Variants in BPTF observed in about 807,000 individuals in gnomAD.
BPTF encodes nucleosome-remodeling factor subunit BPTF.
A neutral mutation model predicts 292.5 loss-of-function variants in BPTF; 18 were observed. The observed-to-expected ratio is 0.06, with a 90% confidence interval of 0.04 to 0.09. BPTF has a LOEUF of 0.09. BPTF is among the 10% of genes least tolerant of loss of function. The probability of loss-of-function intolerance (pLI) is 1.00; values close to 1 mark genes in which losing one functional copy is unlikely to be tolerated. For missense variants in BPTF, 2,726 were observed against 3,498.7 expected (o/e 0.78, Z 5.57); for synonymous variants, 1,225 against 1,251.9 (o/e 0.98, Z 0.45).
At chr17:67,943,855 A>T (rs976654686) in intron 19 of BPTF, among the ~76,000 whole-genome samples, 1 of 152,160 alleles carries the variant, frequency 6.6e-6, no homozygotes, top group Non-Finnish European at 1.5e-5. Context: ...TTAGTTATTC[A>T]ATACCTTTAT....
At chr17:67,873,356 G>T (rs575533671) in intron 3 of BPTF, among the ~76,000 whole-genome samples, 1 of 151,880 alleles carries the variant, frequency 6.6e-6, no homozygotes, top group African/African-American at 2.4e-5. Context: ...TACTTGGGAG[G>T]CTGGGGCAGG....
intron 24 of BPTF, chr17:67,960,527 A>G (rs2067378077): frequency 6.6e-6 from 1 of 152,178 alleles, no homozygotes; most frequent in Admixed American, 6.6e-5. Context: ...GGTGATATAA[A>G]CAAGATTATA....
intron 3 of BPTF, among the ~76,000 whole-genome samples, chr17:67,872,329 C>T (rs1363399198): frequency 6.6e-6 from 1 of 152,148 alleles, no homozygotes; most frequent in Non-Finnish European, 1.5e-5. Context: ...GCAACTAAAA[C>T]AATTTTTTTG....
At chr17:67,910,741 A>C (rs1192809448) in intron 10 of BPTF, 136 bp from the exon 11 acceptor site, 1 of 500,118 alleles carries the variant, frequency 2.0e-6, no homozygotes, top group Non-Finnish European at 3.0e-6. Context: ...CGGAGGTTGC[A>C]GTGAACTGAG....
At chr17:67,925,536 C>T (rs1464464355) in intron 15 of BPTF, among the ~76,000 whole-genome samples, 2 of 152,052 alleles carry the variant, frequency 1.3e-5, no homozygotes, top group African/African-American at 4.8e-5. Flanking sequence ...AATAAAAATA[C>T]AATGTGCCAT....
At chr17:67,949,238 G>A (rs1467662204) in intron 23 of BPTF, among the ~76,000 whole-genome samples, 3 of 152,036 alleles carry the variant, frequency 2.0e-5, no homozygotes, top group African/African-American at 7.2e-5. Context: ...GGTGGCATAC[G>A]CCTGTAGTCC....
At chr17:67,944,743 C>T (rs2147918985) in intron 20 of BPTF, among the ~76,000 whole-genome samples, 1 of 152,252 alleles carries the variant, frequency 6.6e-6, no homozygotes, top group East Asian at 1.9e-4. Context: ...GAGAGTGGGT[C>T]CAGAACCACT....
chr17:67,969,584 A>T (rs1278245760), intron 26 of BPTF, among the ~76,000 whole-genome samples: 1 of 151,354 alleles, frequency 6.6e-6, no homozygotes, highest in Non-Finnish European at 1.5e-5. Flanking sequence ...CCATGATTTT[A>T]ATGGGTTTTT....
chr17:67,967,993 A>C (rs1348830176), intron 26 of BPTF, among the ~76,000 whole-genome samples: 14 of 151,370 alleles, frequency 9.2e-5, no homozygotes, highest in African/African-American at 3.4e-4. Flanking sequence ...CTTTTTCTGA[A>C]GGAGAGTAAA....
chr17:67,853,742 C>G (rs2058546689), intron 1 of BPTF, among the ~76,000 whole-genome samples, 198 bp from the exon 2 acceptor site: 1 of 151,932 alleles, frequency 6.6e-6, no homozygotes, highest in African/African-American at 2.4e-5. Context: ...GGTTTATAAT[C>G]TAATGGGAAA....
chr17:67,857,964 TTA>T (rs1230866671), intron 2 of BPTF, among the ~76,000 whole-genome samples: 1 of 151,750 alleles, frequency 6.6e-6, no homozygotes, highest in Non-Finnish European at 1.5e-5. Flanking sequence ...ATTTTTGTAT[TTA>T]TAGTAGAGAT....
At chr17:67,895,462 ATTT>A (rs1228953258) in intron 7 of BPTF, among the ~76,000 whole-genome samples, 20 of 130,940 alleles carry the variant, frequency 1.5e-4, no homozygotes, top group East Asian at 2.4e-4. Context: ...CACCACATAC[ATTT>A]TTTTTTTTTT....
chr17:67,903,637 G>A (rs902881891), intron 7 of BPTF, 152 bp from the exon 8 acceptor site: 3 of 577,264 alleles, frequency 5.2e-6, no homozygotes, highest in Non-Finnish European at 8.3e-6. Context: ...TTAAGGAATT[G>A]TACAACTACA....
rs568321106 is a variant in BPTF, at chr17:67,979,209, C to G, written c.8727-3043C>G. ...AAAAAAAGGCCCTGTTAGCAAAGGA[C>G]TAGGTGCTACAGAGAAAAATATTTA... On this transcript the variant is annotated intron_variant, in intron 27 of 27. Transcript: ENST00000306378. 3.0e-5 allele frequency among the ~76,000 whole-genome samples: 4 copies of G among 133,174 alleles called. No homozygotes were observed. In the South Asian group the frequency reaches 9.6e-4, roughly 32 times the overall value. The allele number at this position is 133,174 out of a possible 152,430, so 87.4% of individuals were successfully genotyped here. A position where few individuals can be genotyped will look rare whatever the true frequency, so the allele number is the denominator to read the frequency against.
At chr17:67,896,553 G>T (rs996061795) in intron 7 of BPTF, among the ~76,000 whole-genome samples, 4 of 152,068 alleles carry the variant, frequency 2.6e-5, no homozygotes, top group African/African-American at 9.7e-5. Context: ...AAATACATCA[G>T]GATAAATCTA....
chr17:67,966,729 C>T, intron 26 of BPTF, 73 bp downstream of exon 26: 1 of 1,267,154 alleles, frequency 7.9e-7, no homozygotes, highest in Non-Finnish European at 1.1e-6. Context: ...AAATTAATAT[C>T]TTAGAATATT....
intron 10 of BPTF, among the ~76,000 whole-genome samples, chr17:67,910,307 G>A (rs1005131553): frequency 1.8e-4 from 27 of 152,138 alleles, no homozygotes; most frequent in Non-Finnish European, 3.2e-4. Context: ...TACGAATAAT[G>A]CTGCTATGAA....
intron 1 of BPTF, among the ~76,000 whole-genome samples, chr17:67,831,023 C>T (rs2056620428): frequency 6.6e-6 from 1 of 152,206 alleles, no homozygotes; most frequent in Non-Finnish European, 1.5e-5. Context: ...AGCTCTCTCT[C>T]TTTCACATCT....
intron 1 of BPTF, among the ~76,000 whole-genome samples, chr17:67,851,415 T>C (rs530216540): frequency 6.6e-6 from 1 of 152,216 alleles, no homozygotes; most frequent in African/African-American, 2.4e-5. Context: ...GCACGTTCAA[T>C]TGAGTTCAGA....
Sources: gnomAD v4.1 joint callset for allele counts (sites outside exome capture counted in the v4.1 genomes callset) on GRCh38, gnomAD v4.1.1 for gene constraint, MANE v1.5 for transcripts, NCBI Gene and HGNC (gene_info 2026-07-23, HGNC 2026-07-21) for gene names.